NFIC: variants seen among roughly 807,000 people sequenced by gnomAD.
The protein encoded by NFIC is nuclear factor I C, also known as nuclear factor 1 C-type.
Under a neutral mutation model 54.4 loss-of-function variants are expected in NFIC, and 12 were observed. The observed-to-expected ratio is 0.22, with a 90% confidence interval of 0.14 to 0.36. NFIC has a LOEUF of 0.36. Ranked by LOEUF, NFIC falls within the 10% of genes least tolerant of loss-of-function variation. NFIC has a pLI of 1.00. For missense variants in NFIC, 575 were observed against 718.2 expected (o/e 0.80, Z 2.28); for synonymous variants, 322 against 319.2 (o/e 1.01, Z -0.09).
In NFIC at chr19:3,452,354, T is replaced by C; in HGVS notation, c.1085-128T>C. 1 of 1,256,162 alleles carries C rather than the reference T, an allele frequency of 8.0e-7. No individual in the cohort carries two copies. Among genetic ancestry groups the C allele is most frequent in the East Asian group, 2.4e-5 (1 of 41,778 alleles). The allele number at this position is 1,256,162 out of a possible 1,614,324, so 77.8% of individuals were successfully genotyped here. On this transcript the variant is annotated intron_variant, in intron 7 of 10. Coordinates refer to ENST00000443272, the MANE Select transcript of NFIC (RefSeq NM_001245002.2). The surrounding 1 kb of genome is among the most constrained non-coding windows in gnomAD (Gnocchi z 5.3). ...TGTGGTCAGTGCTGCTGGGTTTTTT[T>C]GGTGGTTATTGTTACTAAACGCACT...
chr19:3,401,079 T>C (rs1006265111), intron 2 of NFIC, among the ~76,000 whole-genome samples: 2 of 152,144 alleles, frequency 1.3e-5, no homozygotes, highest in Admixed American at 6.5e-5. Flanking sequence ...GCAAAGGCCC[T>C]GCGGCAGGAC....
At chr19:3,399,052 C>G (rs1352072738) in intron 2 of NFIC, among the ~76,000 whole-genome samples, 7 of 152,270 alleles carry the variant, frequency 4.6e-5, no homozygotes, top group Non-Finnish European at 1.0e-4. Flanking sequence ...GGCTGTGACG[C>G]TGGCTCTGGG....
At chr19:3,423,148 C>T (rs11672719) in intron 2 of NFIC, among the ~76,000 whole-genome samples, 54,498 of 151,568 alleles carry the variant, frequency 0.36, 10,539 homozygotes, top group East Asian at 0.61. Flanking sequence ...CAGCAAGCCG[C>T]GATCGCACCA....
At chr19:3,411,894 C>T (rs1271042733) in intron 2 of NFIC, among the ~76,000 whole-genome samples, 1 of 152,228 alleles carries the variant, frequency 6.6e-6, no homozygotes, top group East Asian at 1.9e-4. Flanking sequence ...ACAGTTTGTC[C>T]GCGCCGTCAG....
intron 2 of NFIC, among the ~76,000 whole-genome samples, chr19:3,418,600 C>G (rs1422721648): frequency 6.6e-6 from 1 of 152,040 alleles, no homozygotes; most frequent in East Asian, 1.9e-4. Flanking sequence ...ACCTGTAATC[C>G]CAGCACTTTG....
intron 3 of NFIC, among the ~76,000 whole-genome samples, chr19:3,432,903 C>T (rs8110370): frequency 0.02 from 3,102 of 152,174 alleles, 112 homozygotes; most frequent in African/African-American, 0.07. Flanking sequence ...CATCTCCTGA[C>T]CTGTGATCCT....
At chr19:3,434,133 G>A in intron 4 of NFIC, 144 bp from the exon 5 acceptor site, 8 of 1,265,696 alleles carry the variant, frequency 6.3e-6, no homozygotes, top group Non-Finnish European at 8.6e-6. Context: ...GAATAAAACT[G>A]GTTTCAGCCA....
intron 2 of NFIC, among the ~76,000 whole-genome samples, chr19:3,407,810 G>T (rs986354605): frequency 6.6e-6 from 1 of 152,136 alleles, no homozygotes; most frequent in African/African-American, 2.4e-5. Context: ...GAAAGGGCTG[G>T]GGAGGGTGTT....
At chr19:3,442,309 C>T (rs749290883) in intron 6 of NFIC, among the ~76,000 whole-genome samples, 18 of 151,724 alleles carry the variant, frequency 1.2e-4, no homozygotes, top group Non-Finnish European at 2.2e-4. Flanking sequence ...CGTCCACAGG[C>T]GGTTATTACA....
At chr19:3,394,966 G>C (rs1238461644) in intron 2 of NFIC, among the ~76,000 whole-genome samples, 1 of 152,086 alleles carries the variant, frequency 6.6e-6, no homozygotes, top group Non-Finnish European at 1.5e-5. Context: ...AAGGTTGGAG[G>C]CTGCTGTTCC....
rs904461025 is a variant in NFIC, at chr19:3,370,404, C to A, written c.30+3738C>A. Among the ~76,000 whole-genome samples the A allele has an allele frequency of 6.6e-6, 1 of 151,866 alleles. No homozygotes were observed. Among genetic ancestry groups the A allele is most frequent in the African/African-American group, 2.4e-5 (1 of 41,346 alleles). On this transcript the variant is annotated intron_variant, in intron 1 of 10. Transcript: ENST00000443272. This position sits in a 1 kb window ranked among gnomAD's most constrained non-coding sequence, Gnocchi z 5.2. ...GTTTCTCCCCCTCCCCTCTCTGCGG[C>A]GGAGGTGCCTCTGCGCGCCAGGGCC...
At chr19:3,363,261 ATATATATATTTT>A (rs1238274267), upstream of NFIC, among the ~76,000 whole-genome samples, 4 of 64,796 alleles carry the variant, frequency 6.2e-5, no homozygotes, top group African/African-American at 3.1e-4. Context: ...ATATATATAT[ATATATATATTTT>A]TTTTTTTTTT....
intron 3 of NFIC, among the ~76,000 whole-genome samples, chr19:3,428,899 T>C (rs1353700363): frequency 6.7e-6 from 1 of 148,750 alleles, no homozygotes; most frequent in African/African-American, 2.5e-5. Context: ...TCCTGGACAC[T>C]CGGGGGCCAC....
At chr19:3,437,779 A>G (rs1466604582) in intron 6 of NFIC, among the ~76,000 whole-genome samples, 1 of 151,690 alleles carries the variant, frequency 6.6e-6, no homozygotes, top group East Asian at 1.9e-4. Context: ...CCTGGGTTCA[A>G]GTGATTCTCC....
chr19:3,430,739 C>T (rs945139348), intron 3 of NFIC, among the ~76,000 whole-genome samples: 1 of 151,826 alleles, frequency 6.6e-6, no homozygotes, highest in Non-Finnish European at 1.5e-5. Context: ...CGAGACCAGC[C>T]GGACCAAGAT....
chr19:3,388,707 A>G (rs1166165223), intron 2 of NFIC, among the ~76,000 whole-genome samples: 1 of 152,080 alleles, frequency 6.6e-6, no homozygotes, highest in African/African-American at 2.4e-5. Flanking sequence ...GTGTACCTGT[A>G]GTCCCAGCTA....
Position 3,383,254 on chromosome 19 carries a change from G to A in NFIC, c.562+1011G>A, listed in dbSNP as rs542373305. 5.3e-5 allele frequency among the ~76,000 whole-genome samples: 8 copies of A among 152,154 alleles called. 1 individual carries two copies. Among genetic ancestry groups the A allele is most frequent in the South Asian group, 2.1e-4 (1 of 4,824 alleles). ...TGGCCCTGCCAGAGGGGTGTTTGCC[G>A]GTGGTCAAATGCCTGATGTTGAGAC... On this transcript the variant is annotated intron_variant, in intron 2 of 10. Coordinates refer to ENST00000443272, the MANE Select transcript of NFIC (RefSeq NM_001245002.2).
intron 1 of NFIC, among the ~76,000 whole-genome samples, chr19:3,360,052 C>G (rs1359116121): frequency 2.0e-5 from 3 of 148,394 alleles, no homozygotes; most frequent in African/African-American, 7.3e-5. Context: ...CCTGGGCGCA[C>G]GACCCCCGAG....
intron 2 of NFIC, among the ~76,000 whole-genome samples, chr19:3,392,568 G>A (rs2145506702): frequency 6.6e-6 from 1 of 152,300 alleles, no homozygotes; most frequent in East Asian, 1.9e-4. Context: ...ACCCGGGTGG[G>A]GCCCGGCCCT....
Sources: allele counts gnomAD v4.1 joint callset (sites outside exome capture counted in the v4.1 genomes callset), GRCh38; gene constraint gnomAD v4.1.1; non-coding constraint Gnocchi (gnomAD v3.1); transcripts MANE v1.5; gene names NCBI Gene and HGNC (gene_info 2026-07-23, HGNC 2026-07-21).